ADAMTSL1: variants seen among roughly 807,000 people sequenced by gnomAD.
The protein encoded by ADAMTSL1 is ADAMTS like 1, also known as ADAMTS-like protein 1.
ADAMTSL1 carries 126 observed loss-of-function variants against 201.8 expected under a neutral mutation model. The ratio of observed to expected loss-of-function variants is 0.62; its 90% CI spans 0.54 to 0.72. The LOEUF (loss-of-function observed/expected upper bound fraction) is 0.72. ADAMTSL1 is among the 30% of genes least tolerant of loss of function. ADAMTSL1 has a pLI of 0.00. For missense variants in ADAMTSL1, 2,679 were observed against 2,277.8 expected, an observed-to-expected ratio of 1.18 and a Z score of -3.59; for synonymous variants, 1,121 against 903.4, an observed-to-expected ratio of 1.24 and a Z score of -4.32.
chr9:18,635,639 T>C (rs1412704728), intron 5 of ADAMTSL1, among the ~76,000 whole-genome samples: 1 of 152,214 alleles, frequency 6.6e-6, no homozygotes, highest in African/African-American at 2.4e-5. Flanking sequence ...CAAGTGTTTT[T>C]GATCATATAA....
intron 4 of ADAMTSL1, among the ~76,000 whole-genome samples, chr9:18,590,443 T>G (rs1415482779): frequency 1.3e-5 from 2 of 151,746 alleles, no homozygotes. Flanking sequence ...TTGTTGATGT[T>G]GTTTATCTTT....
At chr9:18,359,448 C>A (rs1427479449) in intron 2 of ADAMTSL1, among the ~76,000 whole-genome samples, 1 of 152,142 alleles carries the variant, frequency 6.6e-6, no homozygotes, top group Non-Finnish European at 1.5e-5. Flanking sequence ...AGTAGTTCCA[C>A]ATTAAAGGAG....
chr9:18,639,724 G>A (rs1045121537), intron 7 of ADAMTSL1, among the ~76,000 whole-genome samples: 2 of 152,000 alleles, frequency 1.3e-5, no homozygotes, highest in African/African-American at 4.8e-5. Context: ...AAATAGTTTG[G>A]ATACAGTCAT....
intron 2 of ADAMTSL1, among the ~76,000 whole-genome samples, chr9:18,461,658 T>C (rs537840227): frequency 2.0e-5 from 3 of 152,122 alleles, no homozygotes; most frequent in Non-Finnish European, 4.4e-5. Flanking sequence ...CAAGGCAGTA[T>C]CTTGCCCTAA....
chr9:18,877,237 C>G (rs1275391912), intron 23 of ADAMTSL1, among the ~76,000 whole-genome samples: 15 of 152,174 alleles, frequency 9.9e-5, no homozygotes, highest in Admixed American at 9.8e-4. Context: ...AATTCTTTCT[C>G]TGGCAACTCA....
chr9:17,957,691 A>C (rs1397207307), intron 1 of ADAMTSL1, among the ~76,000 whole-genome samples: 1 of 152,132 alleles, frequency 6.6e-6, no homozygotes. Context: ...GCAAATTGTG[A>C]ATGTAATACT....
chr9:18,578,681 A>G (rs1281762657), intron 4 of ADAMTSL1, among the ~76,000 whole-genome samples: 1 of 152,196 alleles, frequency 6.6e-6, no homozygotes, highest in East Asian at 1.9e-4. Flanking sequence ...CTATGCCGCA[A>G]TAAACATACG....
At chr9:18,001,927 T>G (rs1170042348) in intron 1 of ADAMTSL1, among the ~76,000 whole-genome samples, 3 of 151,508 alleles carry the variant, frequency 2.0e-5, no homozygotes, top group African/African-American at 4.9e-5. Context: ...CAGGAGTGAA[T>G]GGGAGGGAAG....
At chr9:18,037,587 G>A (rs1821255679) in intron 1 of ADAMTSL1, among the ~76,000 whole-genome samples, 2 of 152,150 alleles carry the variant, frequency 1.3e-5, no homozygotes, top group South Asian at 4.1e-4. Flanking sequence ...ATATATAGGA[G>A]ATAGTAATTA....
intron 1 of ADAMTSL1, among the ~76,000 whole-genome samples, chr9:17,913,678 G>T (rs950741583): frequency 3.9e-5 from 6 of 152,138 alleles, no homozygotes; most frequent in African/African-American, 1.4e-4. Flanking sequence ...AATCAGAGCA[G>T]AACTGAAGGA....
intron 1 of ADAMTSL1, among the ~76,000 whole-genome samples, chr9:18,103,336 T>C (rs954233851): frequency 6.6e-6 from 1 of 152,178 alleles, no homozygotes; most frequent in African/African-American, 2.4e-5. Flanking sequence ...TATTACATGC[T>C]ACATATATTG....
At chr9:18,188,209 G>A (rs2132219320) in intron 2 of ADAMTSL1, among the ~76,000 whole-genome samples, 1 of 152,230 alleles carries the variant, frequency 6.6e-6, no homozygotes, top group South Asian at 2.1e-4. Flanking sequence ...ATACATTCAT[G>A]TAAAATCTGG....
chr9:18,513,170 A>C (rs1242690251), intron 2 of ADAMTSL1, among the ~76,000 whole-genome samples: 5 of 152,160 alleles, frequency 3.3e-5, no homozygotes, highest in African/African-American at 9.7e-5. Flanking sequence ...ATTTAGCATG[A>C]GATCCACCAT....
At chr9:17,976,516 A>C (rs975161267) in intron 1 of ADAMTSL1, among the ~76,000 whole-genome samples, 1 of 151,154 alleles carries the variant, frequency 6.6e-6, no homozygotes, top group Non-Finnish European at 1.5e-5. Flanking sequence ...TCTCAAAACA[A>C]TTTTTTTTTA....
intron 2 of ADAMTSL1, among the ~76,000 whole-genome samples, chr9:18,208,727 G>T (rs527629848): frequency 1.3e-5 from 2 of 152,180 alleles, no homozygotes; most frequent in South Asian, 4.1e-4. Flanking sequence ...AGGCAGTGTG[G>T]ACTTTTTTAT....
intron 1 of ADAMTSL1, among the ~76,000 whole-genome samples, chr9:18,479,675 C>G (rs1358359781): frequency 6.6e-6 from 1 of 152,072 alleles, no homozygotes; most frequent in Non-Finnish European, 1.5e-5. Context: ...TCTTTCTGTC[C>G]CACAAAGCTG....
intron 1 of ADAMTSL1, among the ~76,000 whole-genome samples, chr9:18,016,789 ATGGTC>A (rs1405996783): frequency 6.6e-6 from 1 of 152,056 alleles, no homozygotes; most frequent in Non-Finnish European, 1.5e-5. Flanking sequence ...CCAGCAGAAT[ATGGTC>A]CCTGCGTTCA....
chr9:18,322,586 T>C (rs1218807069), intron 2 of ADAMTSL1, among the ~76,000 whole-genome samples: 2 of 152,138 alleles, frequency 1.3e-5, no homozygotes, highest in Admixed American at 6.6e-5. Context: ...TGAGCCGAGA[T>C]TGTGCCACTG....
intron 2 of ADAMTSL1, among the ~76,000 whole-genome samples, chr9:18,378,932 G>A (rs1257204409): frequency 6.6e-6 from 1 of 152,184 alleles, no homozygotes; most frequent in Admixed American, 6.5e-5. Flanking sequence ...TGAGAATCCA[G>A]ATGAAGAATT....
Sources: gnomAD v4.1 joint callset for allele counts (sites outside exome capture counted in the v4.1 genomes callset) on GRCh38, gnomAD v4.1.1 for gene constraint, MANE v1.5 for transcripts, NCBI Gene and HGNC (gene_info 2026-07-23, HGNC 2026-07-21) for gene names.